The following CDKL3 variants were observed in gnomAD, a reference collection of about 807,000 sequenced individuals.
The protein encoded by CDKL3 is cyclin dependent kinase like 3, also known as cyclin-dependent kinase-like 3.
Under a neutral mutation model 69.3 loss-of-function variants are expected in CDKL3, and 65 were observed. The ratio of observed to expected loss-of-function variants is 0.94; its 90% confidence interval spans 0.77 to 1.15. The LOEUF is 1.15. CDKL3 is among the 50% of genes most tolerant of loss of function. The probability of loss-of-function intolerance (pLI) is 0.00; values close to 1 mark genes in which losing one functional copy is unlikely to be tolerated. For missense variants in CDKL3, 652 were observed against 689.2 expected, an observed-to-expected ratio of 0.95 and a Z score of 0.61; for synonymous variants, 202 against 221.6, an observed-to-expected ratio of 0.91 and a Z score of 0.79.
intron 8 of CDKL3, among the ~76,000 whole-genome samples, chr5:134,286,874 T>C (rs180951612): frequency 1.4e-4 from 21 of 152,204 alleles, no homozygotes; most frequent in African/African-American, 4.6e-4. Context: ...CCAAACCCTA[T>C]CAGTAAGGCT....
At chr5:134,305,578 C>A (rs1197405378) in intron 10 of CDKL3, among the ~76,000 whole-genome samples, 1 of 152,184 alleles carries the variant, frequency 6.6e-6, no homozygotes, top group Non-Finnish European at 1.5e-5. Flanking sequence ...GCACATCCAG[C>A]ATCTGGGAAA....
chr5:134,346,878 G>A (rs1381296800), intron 4 of CDKL3, among the ~76,000 whole-genome samples: 1 of 152,114 alleles, frequency 6.6e-6, no homozygotes, highest in Admixed American at 6.6e-5. Context: ...AGTTCATAAT[G>A]ATATTTCTAA....
downstream of CDKL3, among the ~76,000 whole-genome samples, chr5:134,283,388 C>G (rs1764712524): frequency 6.6e-6 from 1 of 152,124 alleles, no homozygotes; most frequent in Non-Finnish European, 1.5e-5. Context: ...TTGCACATGG[C>G]TGGGGAGGCT....
In CDKL3 at chr5:134,367,151, C is replaced by T; in HGVS notation, c.-196G>A. The T allele has an allele frequency of 2.0e-6, 2 of 985,696 alleles. No individual in the cohort carries two copies. The highest frequency in any genetic ancestry group is 2.4e-6 in the Non-Finnish European group (2 of 830,158). 61.1% of individuals were successfully genotyped at this position (985,696 alleles called of 1,614,324 possible). On this transcript the variant is annotated 5_prime_UTR_variant, in exon 1 of 13. Transcript: ENST00000265334. ...CCGGCCACTTGCCACCATGGAAACG[C>T]CGGCGGAGTTGCTGCGTTCTAGACT...
chr5:134,304,569 T>TAAAC lies in CDKL3; in HGVS notation c.1459-6_1459-3dup. ...AAATATACCCTTCTCCATTTGGCTC[T>TAAAC]AAACAAACAAACAAGAGTTAGTTGA... On this transcript the variant is annotated splice_region_variant and splice_polypyrimidine_tract_variant and intron_variant, in intron 10 of 12. Coordinates refer to ENST00000265334, the MANE Select transcript of CDKL3 (RefSeq NM_001113575.2). 4 of 1,592,536 alleles carry TAAAC rather than the reference T, an allele frequency of 2.5e-6. No individual in the cohort carries two copies. Among genetic ancestry groups the TAAAC allele is most frequent in the South Asian group, 1.2e-5 (1 of 86,914 alleles).
chr5:134,323,506 T>C (rs1321727663), intron 4 of CDKL3, among the ~76,000 whole-genome samples: 2 of 152,030 alleles, frequency 1.3e-5, no homozygotes, highest in East Asian at 3.9e-4. Context: ...ATGGTATTGG[T>C]GAAAGAATAG....
intron 4 of CDKL3, among the ~76,000 whole-genome samples, chr5:134,342,329 T>G (rs892466667): frequency 6.6e-6 from 1 of 152,180 alleles, no homozygotes; most frequent in African/African-American, 2.4e-5. Context: ...CCGGGTGCGG[T>G]GGCTCACGCC....
rs745734984 is a variant in CDKL3 at position 134,359,904 on chromosome 5, C to T, written c.353G>A (p.Ser118Asn). The T allele has an allele frequency of 7.6e-6, 12 of 1,578,376 alleles. No homozygotes were observed. The highest frequency in any genetic ancestry group is 1.8e-5 in the Admixed American group (1 of 54,114). Reference sequence around the variant, plus strand: ...TTATTCTGAAGCACTTACATTATTACTGTGAAGATAGTCAATTGCTCGAAG... The same window carrying T: ...TTATTCTGAAGCACTTACATTATTATTGTGAAGATAGTCAATTGCTCGAAG... ...QILRAIDYLH[S>N]NNIIHRDIKP... The change falls in exon 3 of 13, where the codon AGT becomes AAT. Residue 118 changes from serine (S) to asparagine (N), a missense_variant. By Grantham distance (46) the Ser-to-Asn change is conservative. Coordinates refer to ENST00000265334, the MANE Select transcript of CDKL3 (RefSeq NM_001113575.2).
chr5:134,316,415 C>A (rs1771075685), intron 6 of CDKL3, among the ~76,000 whole-genome samples: 1 of 152,146 alleles, frequency 6.6e-6, no homozygotes, highest in South Asian at 2.1e-4. Flanking sequence ...CTGGCCAAGA[C>A]AGTGAAACCC....
At chr5:134,336,046 G>A (rs1777027732) in intron 4 of CDKL3, among the ~76,000 whole-genome samples, 3 of 151,952 alleles carry the variant, frequency 2.0e-5, no homozygotes, top group Non-Finnish European at 4.4e-5. Context: ...CTCTAATCTT[G>A]TCTTCTCGCT....
At chr5:134,294,688 AG>A (rs1164861703), downstream of CDKL3, among the ~76,000 whole-genome samples, 3 of 151,982 alleles carry the variant, frequency 2.0e-5, no homozygotes. Context: ...GAAGGAAGGA[AG>A]GGAGGGAGTC....
At chr5:134,332,282 A>C (rs561260689) in intron 4 of CDKL3, among the ~76,000 whole-genome samples, 3 of 152,238 alleles carry the variant, frequency 2.0e-5, no homozygotes, top group Admixed American at 2.0e-4. Context: ...TGCTGTGCAG[A>C]AGCTCTTTAG....
At chr5:134,328,496 G>A (rs1774956009) in intron 4 of CDKL3, among the ~76,000 whole-genome samples, 1 of 151,932 alleles carries the variant, frequency 6.6e-6, no homozygotes, top group Non-Finnish European at 1.5e-5. Flanking sequence ...GTAAGCTGAA[G>A]GATAGAAGGT....
chr5:134,352,149 C>A lies in CDKL3; in HGVS notation c.361-1722G>T, dbSNP rs534256631. 2.5e-3 allele frequency among the ~76,000 whole-genome samples: 375 copies of A among 152,268 alleles called. 3 individuals carry two copies. Among genetic ancestry groups the A allele is most frequent in the Non-Finnish European group, 4.1e-3 (280 of 68,026 alleles). On this transcript the variant is annotated intron_variant, in intron 3 of 12. Transcript: ENST00000265334. ...AGTAAGATCATGCGGTATTTGTCCT[C>A]TGTATGACTTATTTCACTTACCATA... is the stretch of plus-strand genomic sequence containing the variant.
At chr5:134,311,908 C>T (rs561977741) in intron 7 of CDKL3, among the ~76,000 whole-genome samples, 1 of 152,292 alleles carries the variant, frequency 6.6e-6, no homozygotes, top group African/African-American at 2.4e-5. Context: ...AATCCTCCCA[C>T]CTGAGCCTCC....
downstream of CDKL3, among the ~76,000 whole-genome samples, chr5:134,297,890 TTGTGTGTGTGTGTGTG>T (rs528154005): frequency 3.1e-3 from 321 of 105,196 alleles, 1 homozygote; most frequent in South Asian, 0.023. Context: ...CATGAATAGT[TTGTGTGTGTGTGTGTG>T]TGTGTGTGTG....
At chr5:134,287,465 G>A (rs10059010) in intron 8 of CDKL3, among the ~76,000 whole-genome samples, 1,673 of 152,306 alleles carry the variant, frequency 0.011, 39 homozygotes, top group African/African-American at 0.038. Context: ...TGAGCAACCA[G>A]TTGTATCCCC....
intron 2 of CDKL3, among the ~76,000 whole-genome samples, chr5:134,361,247 G>GT (rs201771830): frequency 5.9e-4 from 88 of 148,360 alleles, no homozygotes; most frequent in African/African-American, 1.8e-3. Context: ...AAAATGAAGG[G>GT]TTTTTTTTTG....
downstream of CDKL3, among the ~76,000 whole-genome samples, chr5:134,298,012 C>A (rs1004349789): frequency 2.0e-5 from 3 of 150,840 alleles, no homozygotes; most frequent in East Asian, 3.9e-4. Flanking sequence ...TGGCTCTCTG[C>A]AACCTTGGCC....
Sources: allele counts gnomAD v4.1 joint callset (sites outside exome capture counted in the v4.1 genomes callset), GRCh38; gene constraint gnomAD v4.1.1; transcripts MANE v1.5; gene names NCBI Gene and HGNC (gene_info 2026-07-23, HGNC 2026-07-21).